The following MGAT4A variants were observed in gnomAD, a reference collection of about 807,000 sequenced individuals.
MGAT4A encodes the protein N-acetylglucosaminyltransferase IVa.
MGAT4A carries 33 observed loss-of-function variants against 74.1 expected under a neutral mutation model. That is an observed-to-expected ratio of 0.45 (90% CI 0.34 to 0.60). The LOEUF (loss-of-function observed/expected upper bound fraction) is 0.60. MGAT4A is among the 20% of genes least tolerant of loss of function. The probability of loss-of-function intolerance (pLI) is 0.02; values close to 1 mark genes in which losing one functional copy is unlikely to be tolerated. For missense variants in MGAT4A, 479 were observed against 628.3 expected (o/e 0.76, Z 2.54); for synonymous variants, 198 against 210.4 (o/e 0.94, Z 0.51).
intron 2 of MGAT4A, among the ~76,000 whole-genome samples, chr2:98,698,511 G>A (rs917246644): frequency 6.6e-6 from 1 of 152,106 alleles, no homozygotes; most frequent in Non-Finnish European, 1.5e-5. Context: ...TCTTTACACA[G>A]ATCCCAGTAT....
At chr2:98,633,161 G>A (rs1701267591) in intron 14 of MGAT4A, among the ~76,000 whole-genome samples, 1 of 152,178 alleles carries the variant, frequency 6.6e-6, no homozygotes, top group Non-Finnish European at 1.5e-5. Flanking sequence ...TGTGCCTAGG[G>A]CAGAGTTCTG....
chr2:98,711,535 A>G (rs1159723045), intron 2 of MGAT4A, among the ~76,000 whole-genome samples: 2 of 152,006 alleles, frequency 1.3e-5, no homozygotes, highest in African/African-American at 4.8e-5. Flanking sequence ...ATTGCTAATT[A>G]ATAATAAGTT....
chr2:98,659,218 T>A (rs112836775), intron 5 of MGAT4A, among the ~76,000 whole-genome samples: 6 of 152,336 alleles, frequency 3.9e-5, no homozygotes, highest in African/African-American at 1.4e-4. Context: ...TCTCTGATGC[T>A]ATGTCAAAGA....
chr2:98,676,309 T>A (rs1453220276), intron 3 of MGAT4A, among the ~76,000 whole-genome samples: 1 of 152,200 alleles, frequency 6.6e-6, no homozygotes, highest in African/African-American at 2.4e-5. Context: ...ATTAGCAGAT[T>A]AAATATATTA....
At chr2:98,696,466 C>A in intron 2 of MGAT4A, among the ~76,000 whole-genome samples, 1 of 152,240 alleles carries the variant, frequency 6.6e-6, no homozygotes, top group East Asian at 1.9e-4. Flanking sequence ...TTCACTTACA[C>A]CTCCTGCCTT....
rs148880116 is a variant in MGAT4A at position 98,641,847 on chromosome 2, G to A, written c.1021-1619C>T. On this transcript the variant is annotated intron_variant, in intron 10 of 15. Transcript: ENST00000393487. Reference sequence around the variant, plus strand: ...GTCTCTACTAAAAATATAAAAATTTGCCAGGCGTGGTGGCCCGTGCCTGTA... The same window carrying A: ...GTCTCTACTAAAAATATAAAAATTTACCAGGCGTGGTGGCCCGTGCCTGTA... Among the ~76,000 whole-genome samples the A allele has an allele frequency of 2.3e-3, 346 of 151,904 alleles. 2 individuals carry two copies. Among genetic ancestry groups the A allele is most frequent in the Non-Finnish European group, 2.9e-3 (195 of 67,954 alleles).
chr2:98,693,452 G>A (rs914552898), intron 2 of MGAT4A, among the ~76,000 whole-genome samples: 1 of 152,044 alleles, frequency 6.6e-6, no homozygotes, highest in African/African-American at 2.4e-5. Context: ...GAGGCAAAAA[G>A]GTAACATTGT....
intron 4 of MGAT4A, among the ~76,000 whole-genome samples, chr2:98,667,873 C>A (rs530375451): frequency 6.6e-6 from 1 of 152,058 alleles, no homozygotes; most frequent in Non-Finnish European, 1.5e-5. Flanking sequence ...GTGCCCACCA[C>A]CATGGCCAGA....
Position 98,726,461 on chromosome 2 carries a change from T to C in MGAT4A, c.-129A>G. ...GCCAATAAAAATCAATAAGAGAGGT[T>C]CATTTCAGATGATCTGCAGGAGGAG... On this transcript the variant is annotated 5_prime_UTR_variant, in exon 2 of 16. Coordinates refer to ENST00000393487, the MANE Select transcript of MGAT4A (RefSeq NM_012214.3). 1.5e-6 allele frequency: 1 copy of C among 646,322 alleles called. No homozygotes were observed. Among genetic ancestry groups the C allele is most frequent in the Admixed American group, 2.9e-5 (1 of 34,790 alleles). The allele number at this position is 646,322 out of a possible 1,614,324, so 40.0% of individuals were successfully genotyped here.
rs187376753 is a variant in MGAT4A, at chr2:98,708,261, C to A, written c.94+17978G>T. On this transcript the variant is annotated intron_variant, in intron 2 of 15. Coordinates refer to ENST00000393487, the MANE Select transcript of MGAT4A (RefSeq NM_012214.3). ...GGGATTACAGGCGTGAGCCACCGCA[C>A]CCCGCCAGTGAGCACAGCTGACAAC... Among the ~76,000 whole-genome samples the A allele has an allele frequency of 3.0e-3, 458 of 152,184 alleles. 3 individuals carry two copies. The highest frequency in any genetic ancestry group is 8.7e-3 in the African/African-American group (362 of 41,522).
At chr2:98,724,777 G>C (rs922663019) in intron 2 of MGAT4A, among the ~76,000 whole-genome samples, 1 of 151,522 alleles carries the variant, frequency 6.6e-6, no homozygotes, top group Non-Finnish European at 1.5e-5. Flanking sequence ...TCTCTGAATA[G>C]GTAAGTTTCC....
At position 98,678,490 on chromosome 2, in the gene MGAT4A, C is replaced by A; in HGVS notation, c.95-19G>T. ...AGTTTTTCTAGAAGCAAAACCAAAACAGTTATAGTATATGTCTTAAAACAA... is the reference window on the plus strand; with the variant it reads ...AGTTTTTCTAGAAGCAAAACCAAAAAAGTTATAGTATATGTCTTAAAACAA... On this transcript the variant is annotated intron_variant, in intron 2 of 15. Coordinates refer to ENST00000393487, the MANE Select transcript of MGAT4A (RefSeq NM_012214.3). The A allele has an allele frequency of 6.5e-7, 1 of 1,534,984 alleles. No individual in the cohort carries two copies. The highest frequency in any genetic ancestry group is 8.9e-7 in the Non-Finnish European group (1 of 1,126,540).
At chr2:98,666,914 C>A (rs1024169504) in intron 4 of MGAT4A, among the ~76,000 whole-genome samples, 3 of 152,218 alleles carry the variant, frequency 2.0e-5, no homozygotes, top group Non-Finnish European at 4.4e-5. Flanking sequence ...TTAGATGGCA[C>A]GTGATATGGT....
intron 2 of MGAT4A, among the ~76,000 whole-genome samples, chr2:98,689,445 G>A (rs1401366585): frequency 6.6e-6 from 1 of 152,182 alleles, no homozygotes; most frequent in African/African-American, 2.4e-5. Flanking sequence ...CTCTAATTCA[G>A]ATGAGACTTC....
chr2:98,681,770 T>C (rs1191246587), intron 2 of MGAT4A, among the ~76,000 whole-genome samples: 1 of 151,964 alleles, frequency 6.6e-6, no homozygotes, highest in Non-Finnish European at 1.5e-5. Context: ...CTGGGCAACA[T>C]GGCGAGACCC....
intron 2 of MGAT4A, among the ~76,000 whole-genome samples, chr2:98,717,505 G>A (rs1198028527): frequency 6.6e-6 from 1 of 152,078 alleles, no homozygotes; most frequent in South Asian, 2.1e-4. Flanking sequence ...GAACTCTGGT[G>A]AAATTCAAAT....
chr2:98,701,249 T>C (rs1261322879), intron 2 of MGAT4A, among the ~76,000 whole-genome samples: 2 of 152,218 alleles, frequency 1.3e-5, no homozygotes, highest in African/African-American at 2.4e-5. Context: ...TAAGATTTCA[T>C]CCTATTAGGT....
intron 2 of MGAT4A, among the ~76,000 whole-genome samples, chr2:98,693,384 GA>G (rs984831809): frequency 6.6e-6 from 1 of 152,024 alleles, no homozygotes; most frequent in African/African-American, 2.4e-5. Context: ...CTGAAAAAGA[GA>G]AAAAAATGCA....
chr2:98,673,178 G>A (rs764006407), intron 4 of MGAT4A, among the ~76,000 whole-genome samples: 18 of 152,062 alleles, frequency 1.2e-4, no homozygotes, highest in African/African-American at 4.8e-5. Context: ...AGCAGCCACC[G>A]GCAGCACTGT....
Sources: allele counts gnomAD v4.1 joint callset (sites outside exome capture counted in the v4.1 genomes callset), GRCh38; gene constraint gnomAD v4.1.1; transcripts MANE v1.5; gene names NCBI Gene and HGNC (gene_info 2026-07-23, HGNC 2026-07-21).